The following CLASP2 variants were observed in gnomAD, a reference collection of about 807,000 sequenced individuals.
The protein encoded by CLASP2 is CLIP-associating protein 2.
In CLASP2, 47 loss-of-function variants were observed where a neutral mutation model predicts 194.4. That is an observed-to-expected ratio of 0.24 (90% CI 0.19 to 0.31). CLASP2 has a LOEUF of 0.31. CLASP2 is among the 10% of genes least tolerant of loss of function. The pLI, the probability that CLASP2 is intolerant of heterozygous loss-of-function variation, is 1.00. For synonymous variants in CLASP2, 619 were observed against 633.5 expected (o/e 0.98, Z 0.34); for missense variants, 1,445 against 1,823.6 (o/e 0.79, Z 3.78).
chr3:33,601,799 T>C (rs571168279), intron 18 of CLASP2, among the ~76,000 whole-genome samples: 1 of 152,332 alleles, frequency 6.6e-6, no homozygotes, highest in Non-Finnish European at 1.5e-5. Flanking sequence ...GAATGATCTA[T>C]TCCTCTTCAC....
At chr3:33,589,456 C>T (rs560389784) in intron 21 of CLASP2, among the ~76,000 whole-genome samples, 1 of 152,010 alleles carries the variant, frequency 6.6e-6, no homozygotes, top group Non-Finnish European at 1.5e-5. Context: ...ATGATGATCA[C>T]AGTAATATTT....
At chr3:33,609,263 C>A (rs2074593055) in intron 13 of CLASP2, among the ~76,000 whole-genome samples, 1 of 152,130 alleles carries the variant, frequency 6.6e-6, no homozygotes, top group South Asian at 2.1e-4. Flanking sequence ...CTGGGCAACA[C>A]AGTGAGAACC....
At chr3:33,591,883 G>A (rs1042408568) in intron 21 of CLASP2, among the ~76,000 whole-genome samples, 1 of 151,960 alleles carries the variant, frequency 6.6e-6, no homozygotes, top group Admixed American at 6.6e-5. Context: ...CAGATTTTTG[G>A]GAAAATAAGA....
chr3:33,590,165 T>G (rs2068402113), intron 21 of CLASP2, among the ~76,000 whole-genome samples: 1 of 152,204 alleles, frequency 6.6e-6, no homozygotes, highest in African/African-American at 2.4e-5. Flanking sequence ...GGCTAAGCAA[T>G]ATTTTATGTC....
At chr3:33,639,923 T>G (rs1180332310) in intron 8 of CLASP2, among the ~76,000 whole-genome samples, 1 of 152,206 alleles carries the variant, frequency 6.6e-6, no homozygotes, top group African/African-American at 2.4e-5. Flanking sequence ...TGAGTTCTCG[T>G]CTCATCTCAT....
chr3:33,696,625 C>G (rs960665414), intron 2 of CLASP2, among the ~76,000 whole-genome samples: 13 of 151,950 alleles, frequency 8.6e-5, no homozygotes, highest in African/African-American at 1.2e-4. Flanking sequence ...GCCATCACAC[C>G]TGGCTAATTT....
intron 23 of CLASP2, among the ~76,000 whole-genome samples, chr3:33,580,775 G>T (rs1054664050): frequency 6.6e-6 from 1 of 152,028 alleles, no homozygotes; most frequent in Non-Finnish European, 1.5e-5. Context: ...CAGCACTTTG[G>T]GGGGCCGAGG....
chr3:33,604,629 C>A (rs1026246108), intron 16 of CLASP2, among the ~76,000 whole-genome samples: 1 of 152,096 alleles, frequency 6.6e-6, no homozygotes, highest in African/African-American at 2.4e-5. Context: ...CTGGTACTTC[C>A]AATTTGAATT....
At chr3:33,611,429 C>T (rs2075156689) in intron 13 of CLASP2, among the ~76,000 whole-genome samples, 1 of 152,130 alleles carries the variant, frequency 6.6e-6, no homozygotes, top group Non-Finnish European at 1.5e-5. Flanking sequence ...TGCATAAATA[C>T]TAATATCATT....
intron 12 of CLASP2, among the ~76,000 whole-genome samples, chr3:33,619,401 C>T (rs922075908): frequency 2.0e-5 from 3 of 151,830 alleles, no homozygotes; most frequent in Non-Finnish European, 4.4e-5. Context: ...CTTTGCAATC[C>T]TCTAGTTCTA....
At chr3:33,673,271 G>A (rs2087756300) in intron 6 of CLASP2, among the ~76,000 whole-genome samples, 1 of 152,240 alleles carries the variant, frequency 6.6e-6, no homozygotes, top group South Asian at 2.1e-4. Context: ...AGCCAGAAGA[G>A]AGTGGGGGCC....
intron 19 of CLASP2, among the ~76,000 whole-genome samples, chr3:33,596,104 A>C (rs886691617): frequency 6.6e-6 from 1 of 151,982 alleles, no homozygotes; most frequent in African/African-American, 2.4e-5. Context: ...GAAAGTGTGG[A>C]TAATATACTA....
At chr3:33,672,798 G>A (rs2087622706) in intron 6 of CLASP2, among the ~76,000 whole-genome samples, 1 of 152,162 alleles carries the variant, frequency 6.6e-6, no homozygotes, top group Non-Finnish European at 1.5e-5. Flanking sequence ...GAAAAATGCA[G>A]AAGCCTCAGG....
chr3:33,592,637 A>C (rs1201603603), intron 20 of CLASP2, 141 bp from the exon 21 acceptor site: 1 of 726,952 alleles, frequency 1.4e-6, no homozygotes, highest in Non-Finnish European at 2.3e-6. Context: ...ATTTCTCTTA[A>C]AAATTTTATA....
intron 7 of CLASP2, chr3:33,659,530 T>C (rs781194192): frequency 3.6e-5 from 15 of 422,118 alleles, no homozygotes; most frequent in African/African-American, 2.4e-4. Flanking sequence ...CAACAGAAGA[T>C]TGCTAGAAGT....
At chr3:33,526,061 G>A (rs2054467939) in intron 34 of CLASP2, among the ~76,000 whole-genome samples, 1 of 152,094 alleles carries the variant, frequency 6.6e-6, no homozygotes, top group Admixed American at 6.6e-5. Flanking sequence ...GCGTGGGCAG[G>A]CTGCTGCTGC....
intron 21 of CLASP2, among the ~76,000 whole-genome samples, chr3:33,591,181 A>C (rs1202388648): frequency 1.3e-5 from 2 of 152,168 alleles, no homozygotes; most frequent in Non-Finnish European, 2.9e-5. Flanking sequence ...CTGTCTCAAA[A>C]AAAGAAAAAC....
chr3:33,545,329 T>G (rs960011079), intron 30 of CLASP2, among the ~76,000 whole-genome samples: 3 of 152,200 alleles, frequency 2.0e-5, no homozygotes, highest in African/African-American at 7.2e-5. Flanking sequence ...AGTAATCAAC[T>G]GCATTACTAA....
chr3:33,560,620 CA>C (rs2061661713), intron 28 of CLASP2, among the ~76,000 whole-genome samples, 187 bp downstream of exon 28: 1 of 151,992 alleles, frequency 6.6e-6, no homozygotes, highest in Non-Finnish European at 1.5e-5. Context: ...AAAAAAAATG[CA>C]GGGCTTGACC....
Sources: gnomAD v4.1 joint callset for allele counts (sites outside exome capture counted in the v4.1 genomes callset) on GRCh38, gnomAD v4.1.1 for gene constraint, MANE v1.5 for transcripts, NCBI Gene and HGNC (gene_info 2026-07-23, HGNC 2026-07-21) for gene names.